The following BCAT2 variants were observed in gnomAD, a reference collection of about 807,000 sequenced individuals.
BCAT2 encodes the protein branched chain amino acid transaminase 2.
A neutral mutation model predicts 52.9 loss-of-function variants in BCAT2; 44 were observed. The observed-to-expected ratio is 0.83, with a 90% confidence interval of 0.65 to 1.07. The LOEUF (loss-of-function observed/expected upper bound fraction) is 1.07, where lower values mean the gene tolerates loss of function less well. BCAT2 is among the 50% of genes least tolerant of loss of function. The pLI is 0.00. For synonymous variants in BCAT2, 215 were observed against 217.1 expected (o/e 0.99, Z 0.08); for missense variants, 478 against 521.8 (o/e 0.92, Z 0.82).
At position 48,795,467 on chromosome 19, in the gene BCAT2, GCGGAACAA is replaced by G; in HGVS notation, c.1141-11_1141-4del. On this transcript the variant is annotated splice_polypyrimidine_tract_variant and splice_region_variant and intron_variant, in intron 10 of 10. Coordinates refer to ENST00000316273, the MANE Select transcript of BCAT2 (RefSeq NM_001190.4). Reference sequence around the variant, plus strand: ...CACTCGTGGGCTCTGATTCCGTACTGCGGAACAACGGAGGCAGTGCGTGAGGTGGAAGC... The same window carrying G: ...CACTCGTGGGCTCTGATTCCGTACTGCGGAGGCAGTGCGTGAGGTGGAAGC... 6.2e-7 allele frequency: 1 copy of G among 1,613,884 alleles called. No individual in the cohort carries two copies. The highest frequency in any genetic ancestry group is 1.1e-5 in the South Asian group (1 of 91,034).
chr19:48,806,488 A>T, intron 3 of BCAT2, 29 bp downstream of exon 3: 1 of 1,611,946 alleles, frequency 6.2e-7, no homozygotes, highest in Non-Finnish European at 8.5e-7. Flanking sequence ...GCAGACAGGG[A>T]CAGGGAGAGA....
intron 10 of BCAT2, chr19:48,796,093 C>A: frequency 2.1e-6 from 1 of 476,576 alleles, no homozygotes; most frequent in Non-Finnish European, 3.7e-6. Context: ...GGGAGTTTCT[C>A]CCACCAGGGC....
Position 48,795,204 on chromosome 19 carries a change from A to T in BCAT2, c.*222T>A. 1.6e-6 allele frequency: 1 copy of T among 612,478 alleles called. No homozygotes were observed. Among genetic ancestry groups the T allele is most frequent in the Non-Finnish European group, 2.9e-6 (1 of 341,994 alleles). 37.9% of individuals were successfully genotyped at this position (612,478 alleles called of 1,614,324 possible). ...ATCCTTGACCGCACGACAAGGAGTA[A>T]TGGGCGGACCTGAACCCGCGACGAG... On this transcript the variant is annotated 3_prime_UTR_variant, in exon 11 of 11. Coordinates refer to ENST00000316273, the MANE Select transcript of BCAT2 (RefSeq NM_001190.4).
chr19:48,796,638 G>C lies in BCAT2; in HGVS notation c.1005C>G (p.Val335=). 6.2e-7 allele frequency: 1 copy of C among 1,613,776 alleles called. No homozygotes were observed. The highest frequency in any genetic ancestry group is 8.5e-7 in the Non-Finnish European group (1 of 1,180,014). The change falls in exon 9 of 11, where the codon GTC becomes GTG. Residue 335 remains valine, a synonymous_variant. Transcript: ENST00000316273. ...CCTGGCAAGCGGTGCCCGAGCCAAA[G>C]ACTTCCCGCACGCGGCCCTCCTCCA... ...RALEEGRVRE[V]FGSGTACQVC...
At chr19:48,810,751 TTTA>T in intron 1 of BCAT2, 39 of 1,203,644 alleles carry the variant, frequency 3.2e-5, no homozygotes, top group South Asian at 3.0e-4. Flanking sequence ...TTTTTTTTTT[TTTA>T]CCTCCCCGCC....
chr19:48,801,105 G>A (rs573597776), intron 3 of BCAT2, among the ~76,000 whole-genome samples: 71 of 151,902 alleles, frequency 4.7e-4, no homozygotes, highest in African/African-American at 1.2e-3. Context: ...CTTGTGCCTC[G>A]GCCTCCTGGG....
At chr19:48,800,766 G>C (rs530681368) in intron 3 of BCAT2, among the ~76,000 whole-genome samples, 1 of 152,228 alleles carries the variant, frequency 6.6e-6, no homozygotes, top group South Asian at 2.1e-4. Flanking sequence ...CCACGATCAT[G>C]CCACTGCACT....
rs2034548855 is a variant in BCAT2 at position 48,797,314 on chromosome 19, A to G, written c.715T>C (p.Leu239=). ...KLGGNYGPTV[L]VQQEALKRGC... ...CGCTTGAGTGCCTCCTGTTGCACTAACACGGTGGGCCCATAATTCCTGGTG... is the reference window on the plus strand; with the variant it reads ...CGCTTGAGTGCCTCCTGTTGCACTAGCACGGTGGGCCCATAATTCCTGGTG... Residue 239 remains leucine (L), a synonymous_variant, in exon 7 of 11, where the codon TTA becomes CTA. Coordinates refer to ENST00000316273, the MANE Select transcript of BCAT2 (RefSeq NM_001190.4). The G allele has an allele frequency of 6.2e-7, 1 of 1,613,812 alleles. No individual in the cohort carries two copies. The highest frequency in any genetic ancestry group is 8.5e-7 in the Non-Finnish European group (1 of 1,179,874).
intron 10 of BCAT2, chr19:48,796,108 A>AG: frequency 4.1e-6 from 2 of 483,566 alleles, no homozygotes; most frequent in East Asian, 6.5e-5. Flanking sequence ...CAGGGCACCC[A>AG]GGGGCCTCAG....
At chr19:48,800,163 C>T in intron 4 of BCAT2, 24 bp downstream of exon 4, 5 of 1,612,762 alleles carry the variant, frequency 3.1e-6, no homozygotes, top group Non-Finnish European at 4.2e-6. Context: ...CTCCTCCCCA[C>T]CCCGGTGGAC....
intron 3 of BCAT2, among the ~76,000 whole-genome samples, chr19:48,800,594 T>C (rs1477680628): frequency 6.6e-6 from 1 of 152,080 alleles, no homozygotes; most frequent in Non-Finnish European, 1.5e-5. Context: ...GAGGATCACT[T>C]GAGTGTAGGA....
intron 6 of BCAT2, 80 bp from the exon 7 acceptor site, chr19:48,797,413 C>G: frequency 6.5e-7 from 1 of 1,538,474 alleles, no homozygotes; most frequent in South Asian, 1.2e-5. Flanking sequence ...GCTCATCCTA[C>G]TCTCTCCCGT....
intron 1 of BCAT2, chr19:48,810,753 T>A (rs1203694192): frequency 3.4e-4 from 332 of 984,626 alleles, no homozygotes; most frequent in African/African-American, 1.8e-3. Context: ...TTTTTTTTTT[T>A]ACCTCCCCGC....
chr19:48,807,004 A>T lies in BCAT2; in HGVS notation c.95T>A (p.Phe32Tyr). The T allele has an allele frequency of 6.2e-7, 1 of 1,613,572 alleles. No individual in the cohort carries two copies. The highest frequency in any genetic ancestry group is 8.5e-7 in the Non-Finnish European group (1 of 1,179,704). Residue 32 changes from phenylalanine to tyrosine, a missense_variant, in exon 2 of 11, where the codon TTC becomes TAC. By Grantham distance (22) the Phe-to-Tyr change is conservative. Transcript: ENST00000316273. This position sits in a 1 kb window ranked among gnomAD's most constrained non-coding sequence, Gnocchi z 4.6. Reference sequence around the variant, plus strand: ...CATCGAGTTCCCTCCTTTCACCTTGAAACTGGAGGAGGCATATCTTCTGGG... The same window carrying T: ...CATCGAGTTCCCTCCTTTCACCTTGTAACTGGAGGAGGCATATCTTCTGGG... ...CGPRRYASSS[F>Y]KAADLQLEMT...
chr19:48,797,215 C>A lies in BCAT2; in HGVS notation c.814G>T (p.Val272Phe), dbSNP rs1292122135. 6.2e-7 allele frequency: 1 copy of A among 1,613,952 alleles called. No individual in the cohort carries two copies. The highest frequency in any genetic ancestry group is 2.2e-5 in the East Asian group (1 of 44,876). Residue 272 changes from valine to phenylalanine, a missense_variant, in exon 7 of 11, where the codon GTC becomes TTC. Physicochemically the swap from Val to Phe is conservative, Grantham distance 50. Coordinates refer to ENST00000316273, the MANE Select transcript of BCAT2 (RefSeq NM_001190.4). ...LTEVGTMNIF[V>F]YWTHEDGVLE... is the part of the protein sequence containing the mutation. ...CCCCCATCTTCGTGGGTCCAGTAGA[C>A]AAAGATGTTCATGGTTCCCACCTCG...
chr19:48,799,410 G>A lies in BCAT2; in HGVS notation c.695+265C>T, dbSNP rs2122661594. On this transcript the variant is annotated intron_variant, in intron 6 of 10. Coordinates refer to ENST00000316273, the MANE Select transcript of BCAT2 (RefSeq NM_001190.4). This position sits in a 1 kb window ranked among gnomAD's most constrained non-coding sequence, Gnocchi z 5.5. The stretch of plus-strand genomic sequence containing the variant: ...AGCTTCACTCCTGGAGGCTTCCAGG[G>A]ACCAGTCCTGGTTTCCCCACTGACC... 2 of 438,374 alleles carry A rather than the reference G, an allele frequency of 4.6e-6. No individual in the cohort carries two copies. The highest frequency in any genetic ancestry group is 8.1e-5 in the East Asian group (2 of 24,718). The allele number at this position is 438,374 out of a possible 1,614,324, so 27.2% of individuals were successfully genotyped here.
rs771072870 is a variant in BCAT2 at position 48,797,327 on chromosome 19, A to G, written c.702T>C (p.Tyr234=). 1 of 1,614,016 alleles carries G rather than the reference A, an allele frequency of 6.2e-7. No homozygotes were observed. The highest frequency in any genetic ancestry group is 1.1e-5 in the South Asian group (1 of 91,062). ...GVGNYKLGGN[Y]GPTVLVQQEA... ...CCTGTTGCACTAACACGGTGGGCCC[A>G]TAATTCCTGGTGGAGGGCAGTCTGG... Residue 234 remains tyrosine (Y), a synonymous_variant, in exon 7 of 11, where the codon TAT becomes TAC. Coordinates refer to ENST00000316273, the MANE Select transcript of BCAT2 (RefSeq NM_001190.4).
chr19:48,796,665 G>T lies in BCAT2; in HGVS notation c.978C>A (p.Ala326=). ...RTITMKQLLR[A]LEEGRVREVF... ...CTTCCCGCACGCGGCCCTCCTCCAGGGCCCGCAGCAACTGCTTCATGGTGA... is the reference window on the plus strand; with the variant it reads ...CTTCCCGCACGCGGCCCTCCTCCAGTGCCCGCAGCAACTGCTTCATGGTGA... Residue 326 remains alanine (A), a synonymous_variant, in exon 9 of 11, where the codon GCC becomes GCA. Transcript: ENST00000316273. 6.2e-7 allele frequency: 1 copy of T among 1,613,628 alleles called. No individual in the cohort carries two copies.
intron 3 of BCAT2, among the ~76,000 whole-genome samples, chr19:48,804,062 A>T (rs572724000): frequency 1.3e-5 from 2 of 152,288 alleles, no homozygotes. Context: ...AGGCTGAGGC[A>T]GGAGAATCAC....
Sources: gnomAD v4.1 joint callset for allele counts (sites outside exome capture counted in the v4.1 genomes callset) on GRCh38, gnomAD v4.1.1 for gene constraint, Gnocchi (gnomAD v3.1) non-coding constraint, MANE v1.5 for transcripts, NCBI Gene and HGNC (gene_info 2026-07-23, HGNC 2026-07-21) for gene names.